IMPG1: variants seen among roughly 807,000 people sequenced by gnomAD.
The protein encoded by IMPG1 is interphotoreceptor matrix proteoglycan 1, also known as interphotoreceptor matrix proteoglycan of 150 kDa.
A neutral mutation model predicts 92.0 loss-of-function variants in IMPG1; 85 were observed. The ratio of observed to expected loss-of-function variants is 0.92; its 90% CI spans 0.78 to 1.11. The LOEUF (loss-of-function observed/expected upper bound fraction) is 1.11. Among genes scored for constraint, IMPG1 ranks in the 50% least tolerant of loss-of-function variants. The probability of loss-of-function intolerance (pLI) is 0.00; values close to 1 mark genes in which losing one functional copy is unlikely to be tolerated. For missense variants in IMPG1, 1,022 were observed against 956.0 expected (o/e 1.07, Z -0.91); for synonymous variants, 367 against 334.1 (o/e 1.10, Z -1.08).
At position 76,042,016 on chromosome 6, in the gene IMPG1, T is replaced by G. The variant is rs143380722; in HGVS notation, c.178A>C (p.Ile60Leu). The change falls in exon 2 of 17, where the codon ATA (isoleucine) becomes CTA (leucine). Residue 60 changes from isoleucine to leucine, a missense_variant. By Grantham distance (5) the Ile-to-Leu change is conservative. This residue lies in a region of IMPG1 where 681 missense variants were observed against 583.6 expected (regional missense o/e 1.17). Transcript: ENST00000369950. ...GTTCGATGCTTTGCCAAATCGAATA[T>G]TCGTCTCATAGTTGACATTTTGTAC... ...KMYKMSTMRR[I>L]FDLAKHRTKR... 1.2e-6 allele frequency: 2 copies of G among 1,612,862 alleles called. No homozygotes were observed. The highest frequency in any genetic ancestry group is 8.5e-7 in the Non-Finnish European group (1 of 1,178,940).
At chr6:76,047,122 A>G (rs1783957550) in intron 1 of IMPG1, among the ~76,000 whole-genome samples, 1 of 152,138 alleles carries the variant, frequency 6.6e-6, no homozygotes, top group South Asian at 2.1e-4. Flanking sequence ...ACTCTGCCCT[A>G]CCACTCTTCT....
At chr6:76,052,571 A>G (rs1784062184) in intron 1 of IMPG1, among the ~76,000 whole-genome samples, 1 of 152,174 alleles carries the variant, frequency 6.6e-6, no homozygotes, top group South Asian at 2.1e-4. Context: ...GGCGCCCTCA[A>G]GGTATGCAGT....
chr6:75,933,936 TTAGC>T (rs1175978618), intron 14 of IMPG1, among the ~76,000 whole-genome samples: 1 of 152,238 alleles, frequency 6.6e-6, no homozygotes, highest in Non-Finnish European at 1.5e-5. Flanking sequence ...GAAGCCCATT[TTAGC>T]TAGTAAGTAT....
Position 75,947,522 on chromosome 6 carries a change from A to T in IMPG1, c.1836T>A (p.Tyr612Ter). 1 of 1,612,672 alleles carries T rather than the reference A, an allele frequency of 6.2e-7. No individual in the cohort carries two copies. Among genetic ancestry groups the T allele is most frequent in the Non-Finnish European group, 8.5e-7 (1 of 1,179,022 alleles). Residue 612 changes from tyrosine to a stop codon, truncating the protein, a stop_gained, in exon 14 of 17, where the codon TAT becomes TAA. Transcript: ENST00000369950. LOFTEE classifies it high-confidence loss of function. ...TAAATCCTGTAAGATTGGATCGTAGATATGGAACCAGCTGCAAAATAAAAG... is the reference window on the plus strand; with the variant it reads ...TAAATCCTGTAAGATTGGATCGTAGTTATGGAACCAGCTGCAAAATAAAAG... ...EQQFTQLLVP[Y>*]LRSNLTGFKQ...
chr6:76,012,892 G>A (rs1783212621), intron 7 of IMPG1, among the ~76,000 whole-genome samples: 2 of 152,020 alleles, frequency 1.3e-5, no homozygotes, highest in African/African-American at 2.4e-5. Context: ...CATGAACCCC[G>A]ACTGTCTTCC....
At chr6:75,983,001 G>A (rs375476058) in intron 12 of IMPG1, among the ~76,000 whole-genome samples, 1 of 151,874 alleles carries the variant, frequency 6.6e-6, no homozygotes, top group African/African-American at 2.4e-5. Context: ...CAAGAAAATG[G>A]GTAAGAGTTA....
intron 12 of IMPG1, among the ~76,000 whole-genome samples, chr6:75,982,014 G>C (rs1002230732): frequency 6.6e-6 from 1 of 152,084 alleles, no homozygotes; most frequent in East Asian, 1.9e-4. Context: ...TTTAAAATAT[G>C]ATATTTCTTC....
intron 12 of IMPG1, among the ~76,000 whole-genome samples, chr6:75,976,641 G>A (rs1782539397): frequency 6.6e-6 from 1 of 152,198 alleles, no homozygotes; most frequent in Non-Finnish European, 1.5e-5. Context: ...GCCAGGTGCG[G>A]TGTCTCATGC....
At chr6:76,059,400 A>AG (rs1784168145) in intron 1 of IMPG1, among the ~76,000 whole-genome samples, 2 of 102,742 alleles carry the variant, frequency 1.9e-5, no homozygotes, top group South Asian at 7.6e-4. Context: ...AAGACGTTAC[A>AG]CCTTTTTTTT....
In IMPG1 at chr6:76,005,525, G is replaced by A; in HGVS notation, c.897C>T (p.Ser299=). The change falls in exon 10 of 17, where the codon TCC becomes TCT. Residue 299 remains serine (S), a synonymous_variant. Transcript: ENST00000369950. The part of the protein sequence containing the change: ...RPKKEKDGSS[S]TEMQLTAIFK... ...AGATGGCCGTAAGTTGCATCTCTGT[G>A]GAGCTTGAGCTGTAGATAGCAGAGG... 1.9e-6 allele frequency: 3 copies of A among 1,613,860 alleles called. No homozygotes were observed. The highest frequency in any genetic ancestry group is 2.2e-5 in the South Asian group (2 of 91,068).
At chr6:76,067,875 G>A (rs1013387208) in intron 1 of IMPG1, among the ~76,000 whole-genome samples, 3 of 151,998 alleles carry the variant, frequency 2.0e-5, no homozygotes, top group Admixed American at 6.6e-5. Context: ...ATGCAAAGAC[G>A]GTTCAGCATA....
intron 1 of IMPG1, among the ~76,000 whole-genome samples, chr6:76,044,968 G>T (rs141077037): frequency 3.3e-5 from 5 of 152,168 alleles, no homozygotes; most frequent in Non-Finnish European, 7.4e-5. Flanking sequence ...TTCTCAGCAC[G>T]TCCATGAGCT....
intron 1 of IMPG1, among the ~76,000 whole-genome samples, chr6:76,071,334 T>A (rs1784400878): frequency 6.6e-6 from 1 of 150,634 alleles, no homozygotes; most frequent in African/African-American, 2.4e-5. Context: ...ATTGGTTTAC[T>A]TCATCAGATT....
chr6:75,984,393 G>T (rs1460785023), intron 12 of IMPG1, among the ~76,000 whole-genome samples: 1 of 152,114 alleles, frequency 6.6e-6, no homozygotes, highest in Non-Finnish European at 1.5e-5. Flanking sequence ...TAAAAAAGAA[G>T]AAAATGCTAC....
intron 1 of IMPG1, among the ~76,000 whole-genome samples, chr6:76,044,110 TGCATG>T (rs1783891677): frequency 6.6e-6 from 1 of 152,208 alleles, no homozygotes; most frequent in African/African-American, 2.4e-5. Context: ...TCAAAATGGC[TGCATG>T]GCAAAGTGAA....
chr6:76,000,607 A>T (rs1183969634), intron 12 of IMPG1, among the ~76,000 whole-genome samples: 1 of 152,208 alleles, frequency 6.6e-6, no homozygotes, highest in Non-Finnish European at 1.5e-5. Context: ...ACCAAGAAGG[A>T]GTCACTTTGT....
chr6:76,008,292 C>A (rs1021898428), intron 8 of IMPG1, among the ~76,000 whole-genome samples: 10 of 152,136 alleles, frequency 6.6e-5, no homozygotes, highest in Non-Finnish European at 1.3e-4. Context: ...CATTTAGTCA[C>A]CAAACTGATG....
At chr6:75,940,003 CTT>C (rs958111132) in intron 14 of IMPG1, among the ~76,000 whole-genome samples, 3 of 152,224 alleles carry the variant, frequency 2.0e-5, no homozygotes, top group African/African-American at 7.2e-5. Flanking sequence ...GCCCTCTACT[CTT>C]TTCACTCACA....
At chr6:75,974,363 CTTTCT>C (rs1203725380) in intron 12 of IMPG1, among the ~76,000 whole-genome samples, 8 of 96,216 alleles carry the variant, frequency 8.3e-5, no homozygotes, top group Non-Finnish European at 1.1e-4. Flanking sequence ...TTCTTTCTTT[CTTTCT>C]TTCTTTCTTT....
Sources: gnomAD v4.1 joint callset for allele counts (sites outside exome capture counted in the v4.1 genomes callset) on GRCh38, gnomAD v4.1.1 for gene constraint, gnomAD v4.1.1 regional missense constraint, MANE v1.5 for transcripts, NCBI Gene and HGNC (gene_info 2026-07-23, HGNC 2026-07-21) for gene names.